The following VIPR2 variants were observed in gnomAD, a reference collection of about 807,000 sequenced individuals.
VIPR2 encodes vasoactive intestinal peptide receptor 2.
Under a neutral mutation model 58.0 loss-of-function variants are expected in VIPR2, and 48 were observed. The ratio of observed to expected loss-of-function variants is 0.83; its 90% CI spans 0.66 to 1.05. The LOEUF (loss-of-function observed/expected upper bound fraction) is 1.05, where lower values mean the gene tolerates loss of function less well. VIPR2 is among the 50% of genes least tolerant of loss of function. The probability of loss-of-function intolerance (pLI) is 0.00; values close to 1 mark genes in which losing one functional copy is unlikely to be tolerated. For synonymous variants in VIPR2, 243 were observed against 235.2 expected (o/e 1.03, Z -0.30); for missense variants, 534 against 558.0 (o/e 0.96, Z 0.43).
chr7:159,050,376 CAAAA>C (rs139203746), intron 5 of VIPR2, among the ~76,000 whole-genome samples: 4 of 145,940 alleles, frequency 2.7e-5, no homozygotes, highest in African/African-American at 1.0e-4. Context: ...CAAAAAAAAA[CAAAA>C]AAACCCAGAC....
intron 10 of VIPR2, among the ~76,000 whole-genome samples, chr7:159,032,825 T>C (rs566462083): frequency 2.0e-5 from 3 of 152,170 alleles, no homozygotes; most frequent in Non-Finnish European, 4.4e-5. Context: ...AAGGTCAGCA[T>C]AGAAACTAAA....
chr7:159,124,313 G>A (rs960068241), intron 2 of VIPR2, among the ~76,000 whole-genome samples: 3 of 152,110 alleles, frequency 2.0e-5, no homozygotes, highest in Admixed American at 2.0e-4. Flanking sequence ...ATCTTGAGTT[G>A]ATTTTTGTTT....
intron 3 of VIPR2, among the ~76,000 whole-genome samples, chr7:159,104,453 C>CGA (rs1563331411): frequency 2.4e-4 from 36 of 151,416 alleles, no homozygotes; most frequent in African/African-American, 8.5e-4. Flanking sequence ...CTCCTCCTGG[C>CGA]CAGCACCCTT....
At chr7:159,083,070 C>T (rs1390101946) in intron 4 of VIPR2, among the ~76,000 whole-genome samples, 1 of 152,192 alleles carries the variant, frequency 6.6e-6, no homozygotes, top group East Asian at 1.9e-4. Flanking sequence ...TTGGTGGCCA[C>T]ACCCCCAAGT....
chr7:159,086,917 TAAAACATC>T (rs1390599565), intron 4 of VIPR2, among the ~76,000 whole-genome samples: 1 of 152,224 alleles, frequency 6.6e-6, no homozygotes, highest in African/African-American at 2.4e-5. Flanking sequence ...GTTCTGTGAA[TAAAACATC>T]AGCTCTTACC....
At chr7:159,049,294 G>C (rs1585361783) in intron 5 of VIPR2, among the ~76,000 whole-genome samples, 2 of 151,522 alleles carry the variant, frequency 1.3e-5, no homozygotes, top group Non-Finnish European at 2.9e-5. Context: ...ACTTGTGGCC[G>C]TGAAGGAGGA....
At chr7:159,101,565 T>C (rs1303808143) in intron 4 of VIPR2, among the ~76,000 whole-genome samples, 5 of 129,472 alleles carry the variant, frequency 3.9e-5, no homozygotes, top group South Asian at 3.0e-4. Context: ...GTTCCTGTGG[T>C]AGTGAACGGG....
At position 159,096,277 on chromosome 7, in the gene VIPR2, G is replaced by A. The variant is rs1388607279; in HGVS notation, c.357+7480C>T. Reference sequence around the variant, plus strand: ...CACACACTCCTTCATGCAGAGCCTGGTGTGCAGACCCTGCTGCCTTGGATG... The same window carrying A: ...CACACACTCCTTCATGCAGAGCCTGATGTGCAGACCCTGCTGCCTTGGATG... On this transcript the variant is annotated intron_variant, in intron 4 of 12. Coordinates refer to ENST00000262178, the MANE Select transcript of VIPR2 (RefSeq NM_003382.5). The surrounding 1 kb of genome is among the most constrained non-coding windows in gnomAD (Gnocchi z 5.5). Among the ~76,000 whole-genome samples, 1 of 152,198 alleles carries A rather than the reference G, an allele frequency of 6.6e-6. No individual in the cohort carries two copies. Among genetic ancestry groups the A allele is most frequent in the African/African-American group, 2.4e-5 (1 of 41,452 alleles).
chr7:159,065,766 C>T (rs959147163), intron 4 of VIPR2, among the ~76,000 whole-genome samples: 2 of 152,224 alleles, frequency 1.3e-5, no homozygotes, highest in Non-Finnish European at 2.9e-5. Context: ...CAGAAACCCT[C>T]CGCCCAGAAA....
intron 2 of VIPR2, among the ~76,000 whole-genome samples, chr7:159,122,523 T>A (rs2129496928): frequency 6.6e-6 from 1 of 152,292 alleles, no homozygotes; most frequent in East Asian, 1.9e-4. Flanking sequence ...GAGTGAACGC[T>A]CTCACCTCAC....
At chr7:159,073,993 C>T (rs1426075363) in intron 4 of VIPR2, among the ~76,000 whole-genome samples, 1 of 152,174 alleles carries the variant, frequency 6.6e-6, no homozygotes, top group East Asian at 1.9e-4. Context: ...TTAACATTAG[C>T]AATGTCCACT....
At chr7:159,065,251 C>A (rs1316977041) in intron 4 of VIPR2, among the ~76,000 whole-genome samples, 1 of 152,076 alleles carries the variant, frequency 6.6e-6, no homozygotes, top group Admixed American at 6.5e-5. Flanking sequence ...CAGCGTCATG[C>A]TGCTGTTCCC....
chr7:159,079,283 C>G (rs537993762), intron 4 of VIPR2, among the ~76,000 whole-genome samples: 8 of 152,098 alleles, frequency 5.3e-5, no homozygotes, highest in Admixed American at 1.3e-4. Context: ...TCAGACCACA[C>G]TGCAATCAAA....
At chr7:159,132,441 C>T (rs1796956242) in intron 2 of VIPR2, among the ~76,000 whole-genome samples, 1 of 150,320 alleles carries the variant, frequency 6.7e-6, no homozygotes, top group African/African-American at 2.4e-5. Context: ...ACTGGGTGTT[C>T]TACAGGAACT....
chr7:159,123,391 G>C (rs963114364), intron 2 of VIPR2, among the ~76,000 whole-genome samples: 2 of 150,166 alleles, frequency 1.3e-5, no homozygotes, highest in African/African-American at 4.9e-5. Context: ...CCACTTACAA[G>C]TGAGAATGTG....
At chr7:159,074,689 TAAC>T in intron 4 of VIPR2, among the ~76,000 whole-genome samples, 1 of 152,362 alleles carries the variant, frequency 6.6e-6, no homozygotes, top group African/African-American at 2.4e-5. Context: ...TAGAAATCTA[TAAC>T]AACTTGTTTT....
At chr7:159,034,156 C>T (rs2129492840) in intron 10 of VIPR2, 57 bp downstream of exon 10, 2 of 1,566,232 alleles carry the variant, frequency 1.3e-6, no homozygotes, top group Non-Finnish European at 1.8e-6. Flanking sequence ...GCGTGGGGGT[C>T]TCCTGTCTCC....
intron 4 of VIPR2, among the ~76,000 whole-genome samples, chr7:159,092,842 C>T (rs963656049): frequency 1.3e-5 from 2 of 151,932 alleles, no homozygotes; most frequent in Non-Finnish European, 2.9e-5. Flanking sequence ...CTCCGTGTCT[C>T]AGAGTTCTGG....
At chr7:159,065,573 C>T (rs1437139226) in intron 4 of VIPR2, among the ~76,000 whole-genome samples, 1 of 152,198 alleles carries the variant, frequency 6.6e-6, no homozygotes, top group Non-Finnish European at 1.5e-5. Flanking sequence ...TGTTTGAACC[C>T]TGAATCGACA....
Sources: allele counts gnomAD v4.1 joint callset (sites outside exome capture counted in the v4.1 genomes callset), GRCh38; gene constraint gnomAD v4.1.1; non-coding constraint Gnocchi (gnomAD v3.1); transcripts MANE v1.5; gene names NCBI Gene and HGNC (gene_info 2026-07-23, HGNC 2026-07-21).